MAP3K5: variants seen among roughly 807,000 people sequenced by gnomAD.
MAP3K5 encodes mitogen-activated protein kinase kinase kinase 5.
A neutral mutation model predicts 158.7 loss-of-function variants in MAP3K5; 56 were observed. That is an observed-to-expected ratio of 0.35 (90% CI 0.28 to 0.44). MAP3K5 has a LOEUF of 0.44. Among genes scored for constraint, MAP3K5 ranks in the 20% least tolerant of loss-of-function variants. MAP3K5 has a pLI of 1.00. For synonymous variants in MAP3K5, 579 were observed against 601.7 expected, an observed-to-expected ratio of 0.96 and a Z score of 0.55; for missense variants, 1,294 against 1,674.8, an observed-to-expected ratio of 0.77 and a Z score of 3.97.
intron 1 of MAP3K5, among the ~76,000 whole-genome samples, chr6:136,750,561 G>A (rs1360340063): frequency 6.6e-6 from 1 of 152,146 alleles, no homozygotes; most frequent in Non-Finnish European, 1.5e-5. Context: ...TATTTTTGTT[G>A]TTAAAAATAA....
chr6:136,582,251 C>T (rs773508761), intron 24 of MAP3K5, among the ~76,000 whole-genome samples: 4 of 144,812 alleles, frequency 2.8e-5, no homozygotes, highest in Non-Finnish European at 6.0e-5. Context: ...TATGTGTACA[C>T]GTGTGTGTAT....
chr6:136,588,526 T>C (rs760862), intron 23 of MAP3K5, among the ~76,000 whole-genome samples: 30,922 of 152,210 alleles, frequency 0.2, 3,644 homozygotes, highest in East Asian at 0.44. Context: ...TTTCTTCTTC[T>C]GCTAGAATGT....
At chr6:136,709,777 A>C (rs1781231201) in intron 2 of MAP3K5, among the ~76,000 whole-genome samples, 1 of 152,192 alleles carries the variant, frequency 6.6e-6, no homozygotes, top group South Asian at 2.1e-4. Flanking sequence ...AACTATAAAA[A>C]TCATTCCTGA....
chr6:136,625,399 C>T (rs1776987864), intron 14 of MAP3K5, among the ~76,000 whole-genome samples: 1 of 152,162 alleles, frequency 6.6e-6, no homozygotes, highest in Admixed American at 6.6e-5. Flanking sequence ...GGAAGTATGG[C>T]CTAGTGCCTA....
Position 136,639,573 on chromosome 6 carries a change from AT to A in MAP3K5, c.1903del (p.Ile635SerfsTer16). On this transcript the variant is annotated frameshift_variant, in exon 13 of 30. Transcript: ENST00000359015. LOFTEE classifies it high-confidence loss of function. ...ACAATGAAGTTCTGTACAGAAATAG[AT>A]TTGGAAATCATCAGAATTGTGAAGC... ...YVLHNSDDFQ[I>X]YFCTELHCKK... The A allele has an allele frequency of 6.3e-7, 1 of 1,598,516 alleles. No homozygotes were observed. Among genetic ancestry groups the A allele is most frequent in the Non-Finnish European group, 8.5e-7 (1 of 1,174,012 alleles).
intron 18 of MAP3K5, among the ~76,000 whole-genome samples, chr6:136,610,555 T>C (rs1776286253): frequency 7.1e-6 from 1 of 141,228 alleles, no homozygotes; most frequent in African/African-American, 2.7e-5. Flanking sequence ...GATTAGGGTA[T>C]GAGTAAGCAT....
chr6:136,560,647 A>G (rs1830465840), intron 28 of MAP3K5, among the ~76,000 whole-genome samples: 1 of 152,100 alleles, frequency 6.6e-6, no homozygotes, highest in Non-Finnish European at 1.5e-5. Context: ...TTGAAAAAGA[A>G]TTAAAAATTT....
At chr6:136,742,971 T>C (rs948144549) in intron 1 of MAP3K5, among the ~76,000 whole-genome samples, 1 of 151,916 alleles carries the variant, frequency 6.6e-6, no homozygotes, top group Admixed American at 6.6e-5. Context: ...GGCAGGAGGA[T>C]CACTTAAGGC....
chr6:136,681,575 G>A (rs1038576481), intron 7 of MAP3K5, among the ~76,000 whole-genome samples: 1 of 152,178 alleles, frequency 6.6e-6, no homozygotes, highest in African/African-American at 2.4e-5. Flanking sequence ...TGAGGCTGCA[G>A]TGAGCCATGA....
chr6:136,590,631 C>T lies in MAP3K5; in HGVS notation c.3225+1542G>A, dbSNP rs565404577. 3.4e-4 allele frequency among the ~76,000 whole-genome samples: 52 copies of T among 151,906 alleles called. No individual in the cohort carries two copies. The South Asian group carries it at 9.8e-3, about 29-fold the overall frequency. On this transcript the variant is annotated intron_variant, in intron 23 of 29. Coordinates refer to ENST00000359015, the MANE Select transcript of MAP3K5 (RefSeq NM_005923.4). ...TCTCAGCTCACTGCAAGCTCCGCCT[C>T]CAGGGTTCACGCCATTCTCCTGCCT...
intron 1 of MAP3K5, among the ~76,000 whole-genome samples, chr6:136,781,715 T>C (rs961375601): frequency 6.6e-6 from 1 of 152,204 alleles, no homozygotes; most frequent in Non-Finnish European, 1.5e-5. Context: ...ACTGAACAAC[T>C]GATTCATTGA....
At chr6:136,707,561 G>C (rs117746059) in intron 2 of MAP3K5, among the ~76,000 whole-genome samples, 71 of 151,972 alleles carry the variant, frequency 4.7e-4, no homozygotes, top group East Asian at 1.5e-3. Flanking sequence ...GGTACTTGGG[G>C]GGGGGGGGAA....
intron 20 of MAP3K5, 106 bp downstream of exon 20, chr6:136,601,696 C>T: frequency 2.1e-6 from 2 of 958,190 alleles, no homozygotes; most frequent in Non-Finnish European, 3.1e-6. Context: ...ATACCAATTT[C>T]CAGTGATATC....
In MAP3K5 at chr6:136,720,936, C is replaced by T. The variant is rs9389428; in HGVS notation, c.449-347G>A. On this transcript the variant is annotated intron_variant, in intron 1 of 29. Transcript: ENST00000359015. The stretch of plus-strand genomic sequence containing the variant: ...CTGGGACTACAGGCATGTGGCATCA[C>T]GCCCAGCTAATTAAAAAATTTTTTT... Among the ~76,000 whole-genome samples the T allele has an allele frequency of 4.0e-3, 607 of 152,198 alleles. 15 individuals are homozygous for T. In the East Asian group the frequency reaches 0.057, roughly 14 times the overall value.
chr6:136,559,077 G>A (rs1038453992), intron 28 of MAP3K5, among the ~76,000 whole-genome samples: 2 of 152,186 alleles, frequency 1.3e-5, no homozygotes, highest in Admixed American at 6.5e-5. Flanking sequence ...CAGGCCGGGC[G>A]CAGTGGCTCA....
intron 1 of MAP3K5, among the ~76,000 whole-genome samples, chr6:136,775,157 G>A (rs1784357423): frequency 6.6e-6 from 1 of 151,966 alleles, no homozygotes; most frequent in Non-Finnish European, 1.5e-5. Context: ...AAAAATAGAA[G>A]GATAAATAGT....
intron 1 of MAP3K5, among the ~76,000 whole-genome samples, chr6:136,741,227 C>T (rs1432429405): frequency 6.6e-6 from 1 of 151,998 alleles, no homozygotes; most frequent in East Asian, 1.9e-4. Flanking sequence ...ATTAAAATGA[C>T]CTGTTATTAG....
chr6:136,664,702 G>A (rs1179496809), intron 8 of MAP3K5, among the ~76,000 whole-genome samples: 1 of 152,202 alleles, frequency 6.6e-6, no homozygotes, highest in African/African-American at 2.4e-5. Flanking sequence ...CATGCCAGGT[G>A]GGCAGATCAC....
chr6:136,623,469 AGTCAGGATTATTTTACTTCAC>A (rs1389862643), intron 14 of MAP3K5, among the ~76,000 whole-genome samples: 2 of 152,200 alleles, frequency 1.3e-5, no homozygotes, highest in African/African-American at 4.8e-5. Flanking sequence ...CCAATGATAA[AGTCAGGATTATTTTACTTCAC>A]CACTCCCCAC....
Sources: allele counts gnomAD v4.1 joint callset (sites outside exome capture counted in the v4.1 genomes callset), GRCh38; gene constraint gnomAD v4.1.1; transcripts MANE v1.5; gene names NCBI Gene and HGNC (gene_info 2026-07-23, HGNC 2026-07-21).